Variants in PPIL3 observed in about 807,000 individuals in gnomAD.
PPIL3 encodes peptidyl-prolyl cis-trans isomerase-like 3.
Under a neutral mutation model 20.9 loss-of-function variants are expected in PPIL3, and 13 were observed. The ratio of observed to expected loss-of-function variants is 0.62; its 90% confidence interval spans 0.40 to 0.99. The LOEUF (loss-of-function observed/expected upper bound fraction) is 0.99, where lower values mean the gene tolerates loss of function less well. PPIL3 is among the 50% of genes least tolerant of loss of function. The probability of loss-of-function intolerance (pLI) is 0.00; values close to 1 mark genes in which losing one functional copy is unlikely to be tolerated. For synonymous variants in PPIL3, 71 were observed against 64.4 expected, an observed-to-expected ratio of 1.10 and a Z score of -0.49; for missense variants, 170 against 195.2, an observed-to-expected ratio of 0.87 and a Z score of 0.77.
chr2:200,882,747 A>G (rs548517365), intron 3 of PPIL3, among the ~76,000 whole-genome samples: 2 of 152,228 alleles, frequency 1.3e-5, no homozygotes, highest in South Asian at 4.2e-4. Context: ...TCTACTAAAA[A>G]TACAAAAAAT....
Position 200,872,875 on chromosome 2 carries a change from G to GTT in PPIL3, c.360-1356_360-1355dup, listed in dbSNP as rs540748211. The stretch of plus-strand genomic sequence containing the variant: ...TAGGTGACCACTCCACTTTGTACTT[G>GTT]TTTTTTTTTTTTTTGAGATGAAGTC... On this transcript the variant is annotated intron_variant, in intron 6 of 6. Coordinates refer to ENST00000392283, the MANE Select transcript of PPIL3 (RefSeq NM_130906.3). Among the ~76,000 whole-genome samples the GTT allele has an allele frequency of 6.2e-4, 89 of 143,226 alleles. 1 individual carries two copies. The highest frequency in any genetic ancestry group is 9.4e-4 in the African/African-American group (37 of 39,312). 94.0% of individuals were successfully genotyped at this position (143,226 alleles called of 152,430 possible).
intron 3 of PPIL3, among the ~76,000 whole-genome samples, chr2:200,883,747 C>A (rs981222739): frequency 3.3e-5 from 5 of 152,142 alleles, no homozygotes; most frequent in African/African-American, 1.2e-4. Context: ...GGCAAGATAG[C>A]CTTTCACGAA....
At position 200,876,927 on chromosome 2, in the gene PPIL3, T is replaced by C. The variant is rs3731718; in HGVS notation, c.351A>G (p.Val117=). The C allele has an allele frequency of 1.9e-6, 3 of 1,600,572 alleles. No individual in the cohort carries two copies. The highest frequency in any genetic ancestry group is 4.5e-5 in the East Asian group (2 of 44,806). ...KQPHLDMKYT[V]FGKVIDGLET... is the part of the protein sequence containing the mutation. ...ATAACCAGAATACTCACTTTCCAAA[T>C]ACGGTGTATTTCATGTCCAAATGTG... is the stretch of plus-strand genomic sequence containing the variant. The change falls in exon 6 of 7, where the codon GTA becomes GTG. Residue 117 remains valine, a synonymous_variant. Transcript: ENST00000392283.
intron 5 of PPIL3, among the ~76,000 whole-genome samples, chr2:200,880,668 C>T (rs2039692105): frequency 1.3e-5 from 2 of 151,958 alleles, no homozygotes; most frequent in Non-Finnish European, 2.9e-5. Flanking sequence ...TTACTGTACC[C>T]GGCCCTGGTT....
intron 2 of PPIL3, 79 bp from the exon 3 acceptor site, chr2:200,885,851 A>G: frequency 1.2e-6 from 1 of 806,912 alleles, no homozygotes; most frequent in Admixed American, 2.6e-5. Context: ...CTGTGTGGAT[A>G]TTCAAGATGA....
chr2:200,874,162 G>A (rs1391826674), intron 6 of PPIL3, among the ~76,000 whole-genome samples: 6 of 143,310 alleles, frequency 4.2e-5, no homozygotes, highest in South Asian at 2.2e-4. Flanking sequence ...CTGAGATGGC[G>A]CCACTGCATT....
intron 2 of PPIL3, among the ~76,000 whole-genome samples, 165 bp from the exon 3 acceptor site, chr2:200,885,937 G>A (rs2039924058): frequency 6.6e-6 from 1 of 152,074 alleles, no homozygotes; most frequent in Non-Finnish European, 1.5e-5. Context: ...AGGTTAAGTT[G>A]TACTTTTTTC....
intron 3 of PPIL3, 93 bp from the exon 4 acceptor site, chr2:200,882,528 T>C: frequency 1.3e-6 from 1 of 795,418 alleles, no homozygotes; most frequent in Non-Finnish European, 2.2e-6. Flanking sequence ...GATAGCAGCA[T>C]ATTTAAACTA....
intron 5 of PPIL3, among the ~76,000 whole-genome samples, chr2:200,880,409 C>CTTTTTTT (rs779189285): frequency 0.18 from 23,079 of 131,114 alleles, 3,152 homozygotes; most frequent in African/African-American, 0.32. Context: ...ATTGAGTAGA[C>CTTTTTTT]TTTTTTTTTT....
intron 2 of PPIL3, among the ~76,000 whole-genome samples, chr2:200,886,049 GA>G (rs1428959816): frequency 9.2e-5 from 14 of 152,246 alleles, no homozygotes; most frequent in African/African-American, 3.4e-4. Flanking sequence ...TTGATGGAAA[GA>G]ATTATTTTAA....
chr2:200,876,987 A>C lies in PPIL3; in HGVS notation c.291T>G (p.Asn97Lys). The change falls in exon 6 of 7, where the codon AAT (asparagine) becomes AAG (lysine). Residue 97 changes from asparagine to lysine, a missense_variant. Physicochemically the swap from Asn to Lys is moderately conservative, Grantham distance 94. Coordinates refer to ENST00000392283, the MANE Select transcript of PPIL3 (RefSeq NM_130906.3). ...VSMANNGPNTNGSQFFITYGK... is the reference protein window; with the variant it reads ...VSMANNGPNTKGSQFFITYGK... ...CATAGGTGATGAAGAACTGAGATCC[A>C]TTGGTGTTCGGGCCATTATTAGCCA... The C allele has an allele frequency of 6.2e-7, 1 of 1,613,970 alleles. No homozygotes were observed. The highest frequency in any genetic ancestry group is 8.5e-7 in the Non-Finnish European group (1 of 1,179,804).
chr2:200,879,318 ACTGTGTT>A (rs2039631302), intron 5 of PPIL3, among the ~76,000 whole-genome samples: 1 of 151,792 alleles, frequency 6.6e-6, no homozygotes. Flanking sequence ...ACGGGGTTTC[ACTGTGTT>A]AGCCAGCATG....
chr2:200,883,594 T>TA (rs1037478173), intron 3 of PPIL3, among the ~76,000 whole-genome samples: 10 of 149,060 alleles, frequency 6.7e-5, no homozygotes, highest in East Asian at 2.0e-4. Context: ...TCTCTATCTT[T>TA]AAAAAAAAAA....
At chr2:200,879,594 G>A (rs2039645102) in intron 5 of PPIL3, among the ~76,000 whole-genome samples, 1 of 152,078 alleles carries the variant, frequency 6.6e-6, no homozygotes. Flanking sequence ...CAACACTTTG[G>A]GAGGCCAAGA....
intron 2 of PPIL3, among the ~76,000 whole-genome samples, 188 bp from the exon 3 acceptor site, chr2:200,885,960 C>T (rs16835425): frequency 0.027 from 4,067 of 151,990 alleles, 70 homozygotes; most frequent in African/African-American, 0.057. Flanking sequence ...AAAATTGATC[C>T]CAACAGTAGA....
At chr2:200,885,533 T>C (rs1575116377) in intron 3 of PPIL3, 165 bp downstream of exon 3, 15 of 591,278 alleles carry the variant, frequency 2.5e-5, no homozygotes, top group East Asian at 1.5e-4. Flanking sequence ...ACCTTTGACA[T>C]TGGACAAATA....
intron 2 of PPIL3, 34 bp from the exon 3 acceptor site, chr2:200,885,806 A>G: frequency 7.5e-7 from 1 of 1,340,788 alleles, no homozygotes; most frequent in Non-Finnish European, 1.1e-6. Flanking sequence ...AACAAATGAA[A>G]TTTATTTAGG....
chr2:200,887,545 G>T, intron 2 of PPIL3, 68 bp downstream of exon 2: 2 of 1,230,006 alleles, frequency 1.6e-6, no homozygotes, highest in Non-Finnish European at 2.4e-6. Flanking sequence ...AACTTTTATT[G>T]CCCTTGACTG....
chr2:200,876,148 T>G (rs533573553), intron 6 of PPIL3, among the ~76,000 whole-genome samples: 7 of 151,690 alleles, frequency 4.6e-5, no homozygotes, highest in African/African-American at 9.7e-5. Flanking sequence ...TTTTTGTTTT[T>G]TTTTTTTTTA....
Sources: allele counts gnomAD v4.1 joint callset (sites outside exome capture counted in the v4.1 genomes callset), GRCh38; gene constraint gnomAD v4.1.1; transcripts MANE v1.5; gene names NCBI Gene and HGNC (gene_info 2026-07-23, HGNC 2026-07-21).